The following GPC6 variants were observed in gnomAD, a reference collection of about 807,000 sequenced individuals.
The protein encoded by GPC6 is glypican 6.
Under a neutral mutation model 55.2 loss-of-function variants are expected in GPC6, and 14 were observed. The observed-to-expected ratio is 0.25, with a 90% CI of 0.17 to 0.40. The LOEUF (loss-of-function observed/expected upper bound fraction) is 0.40, where lower values mean the gene tolerates loss of function less well. GPC6 is among the 10% of genes least tolerant of loss of function. The probability of loss-of-function intolerance (pLI) is 1.00; values close to 1 mark genes in which losing one functional copy is unlikely to be tolerated. For synonymous variants in GPC6, 278 were observed against 259.6 expected (o/e 1.07, Z -0.68); for missense variants, 641 against 708.5 (o/e 0.90, Z 1.08).
intron 1 of GPC6, among the ~76,000 whole-genome samples, chr13:93,418,542 T>C (rs1263318859): frequency 6.6e-6 from 1 of 151,518 alleles, no homozygotes; most frequent in Admixed American, 6.6e-5. Context: ...TTAATAGCAC[T>C]GTACTGTAGT....
intron 4 of GPC6, among the ~76,000 whole-genome samples, chr13:94,077,821 C>G (rs976399715): frequency 5.9e-5 from 9 of 151,812 alleles, no homozygotes; most frequent in African/African-American, 2.2e-4. Context: ...GGATAAATCC[C>G]ACTTGATCAT....
At position 93,612,497 on chromosome 13, in the gene GPC6, TAA is replaced by T. The variant is rs1491575258; in HGVS notation, c.319+67079_319+67080del. On this transcript the variant is annotated intron_variant, in intron 2 of 8. Transcript: ENST00000377047. ...CTGGGCGATAGTGCGAGACTCCGTC[TAA>T]AACACACACACACACACACACACAC... Among the ~76,000 whole-genome samples the T allele has an allele frequency of 4.8e-5, 3 of 63,050 alleles. No individual in the cohort carries two copies. In the Admixed American group the frequency reaches 5.2e-4, roughly 11 times the overall value. The allele number at this position is 63,050 out of a possible 152,430, so 41.4% of individuals were successfully genotyped here. A position where few individuals can be genotyped will look rare whatever the true frequency, so the allele number is the denominator to read the frequency against.
At chr13:93,486,074 A>T (rs544141797) in intron 1 of GPC6, among the ~76,000 whole-genome samples, 2 of 152,370 alleles carry the variant, frequency 1.3e-5, no homozygotes, top group East Asian at 3.9e-4. Context: ...AAATTGTTGC[A>T]TGAATGTGAC....
intron 4 of GPC6, among the ~76,000 whole-genome samples, chr13:94,096,840 T>G (rs1041992954): frequency 6.6e-6 from 1 of 152,346 alleles, no homozygotes; most frequent in Non-Finnish European, 1.5e-5. Flanking sequence ...CTTCTGGTTT[T>G]TTCTCCTACA....
At chr13:94,185,290 T>C (rs1206570668) in intron 4 of GPC6, among the ~76,000 whole-genome samples, 3 of 147,494 alleles carry the variant, frequency 2.0e-5, no homozygotes, top group Non-Finnish European at 4.5e-5. Flanking sequence ...CCATTGGCCA[T>C]CTACAAAATC....
At chr13:93,297,447 A>C (rs1416332528) in intron 1 of GPC6, among the ~76,000 whole-genome samples, 1 of 152,122 alleles carries the variant, frequency 6.6e-6, no homozygotes, top group Non-Finnish European at 1.5e-5. Context: ...TTAAAATTTA[A>C]TTTAATTCTT....
Position 93,462,284 on chromosome 13 carries a change from G to A in GPC6, c.161-82979G>A, listed in dbSNP as rs7331587. ...AGTATATAGAAAGCAGACGGAGAATGATGATGTTCAGCTGCTTCAAAATGA... is the reference window on the plus strand; with the variant it reads ...AGTATATAGAAAGCAGACGGAGAATAATGATGTTCAGCTGCTTCAAAATGA... On this transcript the variant is annotated intron_variant, in intron 1 of 8. Coordinates refer to ENST00000377047, the MANE Select transcript of GPC6 (RefSeq NM_005708.5). Among the ~76,000 whole-genome samples the A allele has an allele frequency of 3.4e-3, 522 of 152,266 alleles. 5 individuals are homozygous for A. Among genetic ancestry groups the A allele is most frequent in the African/African-American group, 0.012 (502 of 41,554 alleles).
At chr13:93,888,319 T>A (rs898157559) in intron 3 of GPC6, among the ~76,000 whole-genome samples, 2 of 152,176 alleles carry the variant, frequency 1.3e-5, no homozygotes, top group Admixed American at 1.3e-4. Flanking sequence ...AGCATGTTTT[T>A]CATTACTGCT....
chr13:94,135,007 T>A (rs1470773028), intron 4 of GPC6, among the ~76,000 whole-genome samples: 1 of 152,176 alleles, frequency 6.6e-6, no homozygotes, highest in Non-Finnish European at 1.5e-5. Flanking sequence ...CACTAACACA[T>A]GTGACCTTCA....
In GPC6 at chr13:94,406,521, G is replaced by T. The variant is rs930713734; in HGVS notation, c.*3304G>T. 6.6e-6 allele frequency: 1 copy of T among 152,116 alleles called. No individual in the cohort carries two copies. Among genetic ancestry groups the T allele is most frequent in the African/African-American group, 2.4e-5 (1 of 41,434 alleles). The allele number at this position is 152,116 out of a possible 1,614,324, so 9.4% of individuals were successfully genotyped here. A position where few individuals can be genotyped will look rare whatever the true frequency, so the allele number is the denominator to read the frequency against. ...TGTATCACCTGCTTTAAATGTAAGG[G>T]ATAGAAAATACTATTTTGTCTACAC... is the stretch of plus-strand genomic sequence containing the variant. On this transcript the variant is annotated 3_prime_UTR_variant, in exon 9 of 9. Transcript: ENST00000377047.
At chr13:94,020,488 T>C (rs1346307494) in intron 3 of GPC6, among the ~76,000 whole-genome samples, 1 of 152,206 alleles carries the variant, frequency 6.6e-6, no homozygotes, top group Non-Finnish European at 1.5e-5. Context: ...TCTGAAAAGT[T>C]GATTCTGTCA....
intron 2 of GPC6, among the ~76,000 whole-genome samples, chr13:93,687,785 A>G (rs949678123): frequency 1.1e-5 from 1 of 94,306 alleles, no homozygotes; most frequent in African/African-American, 3.7e-5. Flanking sequence ...TATCATGAGA[A>G]GGGACTGAAT....
At chr13:93,468,878 A>G (rs921111361) in intron 1 of GPC6, among the ~76,000 whole-genome samples, 1 of 152,176 alleles carries the variant, frequency 6.6e-6, no homozygotes, top group East Asian at 1.9e-4. Context: ...AACTACCTCA[A>G]TATTTTATTG....
At chr13:93,611,109 G>A (rs1465341203) in intron 2 of GPC6, among the ~76,000 whole-genome samples, 2 of 152,080 alleles carry the variant, frequency 1.3e-5, no homozygotes, top group South Asian at 2.1e-4. Context: ...ACTTGCAAAC[G>A]AAGTGAACAT....
At chr13:94,277,185 C>T (rs1349751588) in intron 4 of GPC6, among the ~76,000 whole-genome samples, 1 of 152,102 alleles carries the variant, frequency 6.6e-6, no homozygotes, top group East Asian at 1.9e-4. Flanking sequence ...CTATAATGAT[C>T]AGTGCTGTTG....
In GPC6 at chr13:94,406,549, A is replaced by T. The variant is rs1473251375; in HGVS notation, c.*3332A>T. 6.6e-6 allele frequency: 1 copy of T among 152,200 alleles called. No individual in the cohort carries two copies. Among genetic ancestry groups the T allele is most frequent in the Non-Finnish European group, 1.5e-5 (1 of 67,984 alleles). 9.4% of individuals were successfully genotyped at this position (152,200 alleles called of 1,614,324 possible). A position where few individuals can be genotyped will look rare whatever the true frequency, so the allele number is the denominator to read the frequency against. On this transcript the variant is annotated 3_prime_UTR_variant, in exon 9 of 9. Transcript: ENST00000377047. ...AGAAAATACTATTTTGTCTACACTG[A>T]AAAACATTATTATTCATTGATAAGT... is the stretch of plus-strand genomic sequence containing the variant.
At position 94,404,455 on chromosome 13, in the gene GPC6, T is replaced by C. The variant is rs1245616606; in HGVS notation, c.*1238T>C. The C allele has an allele frequency of 6.6e-6, 1 of 152,222 alleles. No individual in the cohort carries two copies. The highest frequency in any genetic ancestry group is 1.5e-5 in the Non-Finnish European group (1 of 68,046). 9.4% of individuals were successfully genotyped at this position (152,222 alleles called of 1,614,324 possible). ...GGGTTGACACACCTTTGTAAGAAAA[T>C]GTTTTGTCAACCAGCTCTTCTTGTT... On this transcript the variant is annotated 3_prime_UTR_variant, in exon 9 of 9. Coordinates refer to ENST00000377047, the MANE Select transcript of GPC6 (RefSeq NM_005708.5).
chr13:93,893,831 A>G (rs1475176954), intron 3 of GPC6, among the ~76,000 whole-genome samples: 1 of 152,134 alleles, frequency 6.6e-6, no homozygotes, highest in Non-Finnish European at 1.5e-5. Context: ...TCATCTTTCA[A>G]TTTTAGCAGT....
chr13:93,653,065 C>T (rs1880488623), intron 2 of GPC6, among the ~76,000 whole-genome samples: 1 of 152,114 alleles, frequency 6.6e-6, no homozygotes, highest in Non-Finnish European at 1.5e-5. Context: ...ATTTAGGCAC[C>T]TGGTACATTT....
Sources: allele counts gnomAD v4.1 joint callset (sites outside exome capture counted in the v4.1 genomes callset), GRCh38; gene constraint gnomAD v4.1.1; transcripts MANE v1.5; gene names NCBI Gene and HGNC (gene_info 2026-07-23, HGNC 2026-07-21).